The following FRYL variants were observed in gnomAD, a reference collection of about 807,000 sequenced individuals.
FRYL encodes the protein protein furry homolog-like.
FRYL carries 150 observed loss-of-function variants against 351.2 expected under a neutral mutation model. The observed-to-expected ratio is 0.43, with a 90% CI of 0.37 to 0.49. The LOEUF (loss-of-function observed/expected upper bound fraction) is 0.49, where lower values mean the gene tolerates loss of function less well. Among genes scored for constraint, FRYL ranks in the 20% least tolerant of loss-of-function variants. The pLI is 0.00. For missense variants in FRYL, 3,036 were observed against 3,619.3 expected (o/e 0.84, Z 4.13); for synonymous variants, 1,153 against 1,257.1 (o/e 0.92, Z 1.75).
rs149499272 is a variant in FRYL at position 48,634,281 on chromosome 4, C to T, written c.120+10G>A. 129 of 1,595,400 alleles carry T rather than the reference C, an allele frequency of 8.1e-5. No homozygotes were observed. In the African/African-American group the frequency reaches 1.4e-3, roughly 17 times the overall value. On this transcript the variant is annotated intron_variant, in intron 4 of 63. Coordinates refer to ENST00000358350, the MANE Select transcript of FRYL (RefSeq NM_015030.2). ...AAAATATTTCAGATTTATAGGTCAGCTGTACTCACCAAGGGTTCGGCCATT... is the reference window on the plus strand; with the variant it reads ...AAAATATTTCAGATTTATAGGTCAGTTGTACTCACCAAGGGTTCGGCCATT...
rs1216279174 is a variant in FRYL at position 48,518,429 on chromosome 4, T to A, written c.7689+2619A>T. On this transcript the variant is annotated intron_variant, in intron 55 of 63. Coordinates refer to ENST00000358350, the MANE Select transcript of FRYL (RefSeq NM_015030.2). ...GCCTTAGAGACTTCACTACCAACAATGAGGCTGCAAACCTTCTGTGATTAT... is the reference window on the plus strand; with the variant it reads ...GCCTTAGAGACTTCACTACCAACAAAGAGGCTGCAAACCTTCTGTGATTAT... 2.0e-5 allele frequency among the ~76,000 whole-genome samples: 3 copies of A among 152,166 alleles called. No individual in the cohort carries two copies. In the East Asian group the frequency reaches 5.8e-4, roughly 29 times the overall value.
chr4:48,567,312 G>C lies in FRYL; in HGVS notation c.3105C>G (p.Asp1035Glu). 1 of 1,612,894 alleles carries C rather than the reference G, an allele frequency of 6.2e-7. No homozygotes were observed. Among genetic ancestry groups the C allele is most frequent in the Non-Finnish European group, 8.5e-7 (1 of 1,179,338 alleles). ...LLEAENEKDS[D>E]TLKDIRCHFS... is the part of the protein sequence containing the mutation. ...AATGGCATCGTATATCCTTCAGTGT[G>C]TCAGAGTCTTTTTCATTTTCTGCTT... Residue 1035 changes from aspartate (D) to glutamate (E), a missense_variant, in exon 28 of 64, where the codon GAC (aspartate) becomes GAG (glutamate). Physicochemically the swap from Asp to Glu is conservative, Grantham distance 45 (BLOSUM62 2). Coordinates refer to ENST00000358350, the MANE Select transcript of FRYL (RefSeq NM_015030.2). This position sits in a 1 kb window ranked among gnomAD's most constrained non-coding sequence, Gnocchi z 4.2.
At chr4:48,685,532 C>G (rs544754176) in intron 2 of FRYL, among the ~76,000 whole-genome samples, 58 of 152,238 alleles carry the variant, frequency 3.8e-4, no homozygotes, top group African/African-American at 1.3e-3. Flanking sequence ...GTTCATGTAT[C>G]TGCTAGGCCT....
Position 48,756,716 on chromosome 4 carries a change from G to A in FRYL, c.-384+23362C>T, listed in dbSNP as rs553630871. Reference sequence around the variant, plus strand: ...TAATCCCAGCACTTTGGGAGGTGGAGGTGGCAAGTTTGCTTGAGCTCATTA... The same window carrying A: ...TAATCCCAGCACTTTGGGAGGTGGAAGTGGCAAGTTTGCTTGAGCTCATTA... On this transcript the variant is annotated intron_variant, in intron 1 of 63. Coordinates refer to ENST00000358350, the MANE Select transcript of FRYL (RefSeq NM_015030.2). Among the ~76,000 whole-genome samples the A allele has an allele frequency of 7.2e-5, 11 of 152,288 alleles. No homozygotes were observed. The East Asian group carries it at 1.9e-3, about 27-fold the overall frequency.
At chr4:48,673,852 C>T (rs544159203) in intron 3 of FRYL, among the ~76,000 whole-genome samples, 9 of 152,226 alleles carry the variant, frequency 5.9e-5, no homozygotes, top group East Asian at 1.9e-4. Flanking sequence ...ACAAAGTTCA[C>T]GCTCAGCTTA....
rs1722161707 is a variant in FRYL, at chr4:48,510,116, A to G, written c.8337T>C (p.Val2779=). The G allele has an allele frequency of 6.2e-7, 1 of 1,613,610 alleles. No homozygotes were observed. Among genetic ancestry groups the G allele is most frequent in the Non-Finnish European group, 8.5e-7 (1 of 1,179,724 alleles). The change falls in exon 59 of 64, where the codon GTT becomes GTC. Residue 2779 remains valine, a synonymous_variant. Coordinates refer to ENST00000358350, the MANE Select transcript of FRYL (RefSeq NM_015030.2). ...CGLLETLKFG[V]LELQEHLDTY... ...TATCCAGGTGTTCTTGCAACTCCAA[A>G]ACACCAAACTTGAGTGTTTCCAGCA... is the stretch of plus-strand genomic sequence containing the variant.
At chr4:48,766,987 ATATAT>A (rs1355044654) in intron 1 of FRYL, among the ~76,000 whole-genome samples, 2 of 147,478 alleles carry the variant, frequency 1.4e-5, no homozygotes, top group African/African-American at 4.9e-5. Context: ...ATATATATCT[ATATAT>A]TATATATTAT....
At chr4:48,762,937 T>C (rs1323855162) in intron 1 of FRYL, among the ~76,000 whole-genome samples, 3 of 152,100 alleles carry the variant, frequency 2.0e-5, no homozygotes, top group Non-Finnish European at 4.4e-5. Flanking sequence ...CATAAAAGCA[T>C]GGTTCTAGGA....
At chr4:48,764,725 C>G (rs1367563313) in intron 1 of FRYL, among the ~76,000 whole-genome samples, 1 of 152,012 alleles carries the variant, frequency 6.6e-6, no homozygotes, top group East Asian at 1.9e-4. Flanking sequence ...GAAAAATATC[C>G]CATGTTCACG....
At chr4:48,633,912 C>T (rs1208016688) in intron 4 of FRYL, among the ~76,000 whole-genome samples, 1 of 152,138 alleles carries the variant, frequency 6.6e-6, no homozygotes, top group Non-Finnish European at 1.5e-5. Flanking sequence ...CTCTTCCCTC[C>T]TCCTCATCAT....
intron 19 of FRYL, among the ~76,000 whole-genome samples, chr4:48,585,778 G>A (rs1046139658): frequency 6.6e-6 from 1 of 152,190 alleles, no homozygotes; most frequent in Non-Finnish European, 1.5e-5. Flanking sequence ...GATCAAATCA[G>A]TGCAATGAGG....
intron 28 of FRYL, among the ~76,000 whole-genome samples, chr4:48,566,296 T>C (rs1238321945): frequency 1.3e-5 from 2 of 152,236 alleles, no homozygotes; most frequent in Non-Finnish European, 2.9e-5. Flanking sequence ...TGAAAACCAC[T>C]GGTTTAAATG....
chr4:48,641,306 A>C (rs184493226), intron 3 of FRYL, among the ~76,000 whole-genome samples: 3 of 152,292 alleles, frequency 2.0e-5, no homozygotes, highest in African/African-American at 7.2e-5. Flanking sequence ...GATACCTCAA[A>C]ATTCCTCCAT....
rs772470442 is a variant in FRYL, at chr4:48,551,525, T to G, written c.4489A>C (p.Asn1497His). 9.6e-5 allele frequency: 154 copies of G among 1,611,444 alleles called. 1 individual carries two copies. Among genetic ancestry groups the G allele is most frequent in the South Asian group, 2.8e-4 (25 of 90,834 alleles). The change falls in exon 37 of 64, where the codon AAT becomes CAT. Residue 1497 changes from asparagine to histidine, a missense_variant. Physicochemically the swap from Asn to His is moderately conservative, Grantham distance 68 (BLOSUM62 1). This residue lies in a region of FRYL where 1,987 missense variants were observed against 2,311.7 expected (regional missense o/e 0.86). Coordinates refer to ENST00000358350, the MANE Select transcript of FRYL (RefSeq NM_015030.2). ...TCAATATTCTCTTTAATGGGCTTAT[T>G]ATCAGGATTGCCATCTGTGGGAGCT... ...MVAPTDGNPD[N>H]KPIKENIEES... is the part of the protein sequence containing the mutation.
At chr4:48,592,082 T>TA (rs888017807) in intron 16 of FRYL, among the ~76,000 whole-genome samples, 2 of 116,204 alleles carry the variant, frequency 1.7e-5, no homozygotes, top group South Asian at 2.9e-4. Flanking sequence ...AATAAAGCTC[T>TA]TATATATATA....
rs368647594 is a variant in FRYL, at chr4:48,510,945, C to T, written c.8185G>A (p.Val2729Ile). Residue 2729 changes from valine (V) to isoleucine (I), a missense_variant, in exon 58 of 64, where the codon GTC becomes ATC. Coordinates refer to ENST00000358350, the MANE Select transcript of FRYL (RefSeq NM_015030.2). ...RKFGEITNEA[V>I]SFLGDSLQRI... is the part of the protein sequence containing the mutation. ...TGCAGACTATCACCAAGAAAGCTGACTGCCTCATTAGTTATTTCTCCAAAC... is the reference window on the plus strand; with the variant it reads ...TGCAGACTATCACCAAGAAAGCTGATTGCCTCATTAGTTATTTCTCCAAAC... The T allele has an allele frequency of 6.9e-5, 111 of 1,612,710 alleles. No individual in the cohort carries two copies. The highest frequency in any genetic ancestry group is 8.6e-5 in the Non-Finnish European group (101 of 1,179,094).
intron 50 of FRYL, among the ~76,000 whole-genome samples, chr4:48,530,917 T>C (rs1482607882): frequency 6.6e-6 from 1 of 152,202 alleles, no homozygotes; most frequent in Non-Finnish European, 1.5e-5. Flanking sequence ...CTAAACACTG[T>C]TGGGAAGCTA....
chr4:48,559,173 C>T (rs1467189475), intron 33 of FRYL, among the ~76,000 whole-genome samples: 1 of 152,116 alleles, frequency 6.6e-6, no homozygotes, highest in Non-Finnish European at 1.5e-5. Flanking sequence ...TCCTGGCATG[C>T]AATTATGCTC....
intron 3 of FRYL, among the ~76,000 whole-genome samples, chr4:48,673,084 G>A (rs544211958): frequency 1.3e-5 from 2 of 152,172 alleles, no homozygotes; most frequent in African/African-American, 4.8e-5. Context: ...ACCAGTATAC[G>A]ATTTAAACAT....
Sources: gnomAD v4.1 joint callset for allele counts (sites outside exome capture counted in the v4.1 genomes callset) on GRCh38, gnomAD v4.1.1 for gene constraint, gnomAD v4.1.1 regional missense constraint, Gnocchi (gnomAD v3.1) non-coding constraint, MANE v1.5 for transcripts, NCBI Gene and HGNC (gene_info 2026-07-23, HGNC 2026-07-21) for gene names.